The following INVS variants were observed in gnomAD, a reference collection of about 807,000 sequenced individuals.
The protein encoded by INVS is inversion of embryo turning homolog.
INVS carries 86 observed loss-of-function variants against 108.8 expected under a neutral mutation model. That is an observed-to-expected ratio of 0.79 (90% CI 0.66 to 0.95). The LOEUF is 0.95. INVS is among the 40% of genes least tolerant of loss of function. The pLI is 0.00. For synonymous variants in INVS, 455 were observed against 473.5 expected (o/e 0.96, Z 0.51); for missense variants, 1,169 against 1,297.4 (o/e 0.90, Z 1.52).
Position 100,209,908 on chromosome 9 carries a change from G to A in INVS, c.274-16154G>A, listed in dbSNP as rs116770954. The stretch of plus-strand genomic sequence containing the variant: ...TGGGCTTCAGTGTCCTGTGTCTCCA[G>A]TTCTACTCTATCCTCAGACATACTG... On this transcript the variant is annotated intron_variant, in intron 3 of 16. Coordinates refer to ENST00000262457, the MANE Select transcript of INVS (RefSeq NM_014425.5). Among the ~76,000 whole-genome samples the A allele has an allele frequency of 4.6e-3, 706 of 152,064 alleles. 7 individuals are homozygous for A. Among genetic ancestry groups the A allele is most frequent in the African/African-American group, 0.016 (668 of 41,482 alleles).
chr9:100,239,607 G>A (rs1221913750), intron 5 of INVS, among the ~76,000 whole-genome samples: 1 of 152,170 alleles, frequency 6.6e-6, no homozygotes, highest in Admixed American at 6.5e-5. Context: ...TTTAGACTTT[G>A]TACCTTTTCC....
At chr9:100,203,879 T>G (rs1830602839) in intron 3 of INVS, among the ~76,000 whole-genome samples, 1 of 152,142 alleles carries the variant, frequency 6.6e-6, no homozygotes, top group African/African-American at 2.4e-5. Flanking sequence ...TGCATGTTTC[T>G]CCTTGAAAAT....
intron 3 of INVS, among the ~76,000 whole-genome samples, chr9:100,199,589 G>T (rs1006484766): frequency 1.3e-5 from 2 of 151,974 alleles, no homozygotes; most frequent in Non-Finnish European, 2.9e-5. Context: ...TTCACTTACC[G>T]CATTGGAATA....
intron 11 of INVS, among the ~76,000 whole-genome samples, chr9:100,270,067 T>C (rs1832905300): frequency 6.6e-6 from 1 of 152,180 alleles, no homozygotes; most frequent in South Asian, 2.1e-4. Context: ...TAAAAAGTGA[T>C]AGTCATCGTT....
chr9:100,160,177 ACT>A (rs1239562327), intron 3 of INVS, among the ~76,000 whole-genome samples: 3 of 152,046 alleles, frequency 2.0e-5, no homozygotes, highest in African/African-American at 7.2e-5. Context: ...ATTCTGTTCC[ACT>A]CTCTACGCAT....
chr9:100,133,035 G>T (rs745580433), intron 3 of INVS, among the ~76,000 whole-genome samples: 7 of 152,114 alleles, frequency 4.6e-5, no homozygotes, highest in Non-Finnish European at 7.4e-5. Flanking sequence ...AACCTGGGAG[G>T]CGGAAGTTGC....
At position 100,242,597 on chromosome 9, in the gene INVS, T is replaced by C. The variant is rs1831913564; in HGVS notation, c.824T>C (p.Leu275Ser). ...LGHAQIVHLLLERNKSGTIPS... is the reference protein window; with the variant it reads ...LGHAQIVHLLSERNKSGTIPS... ...CATGCACAGATTGTCCATCTCCTTT[T>C]AGAAAGAAATAAGTCTGGAACTATC... Residue 275 changes from leucine (L) to serine (S), a missense_variant, in exon 7 of 17, where the codon TTA becomes TCA. Transcript: ENST00000262457. The C allele has an allele frequency of 6.2e-7, 1 of 1,609,490 alleles. No homozygotes were observed. The highest frequency in any genetic ancestry group is 1.1e-5 in the South Asian group (1 of 90,964).
intron 3 of INVS, among the ~76,000 whole-genome samples, chr9:100,220,347 T>C (rs1831106825): frequency 6.6e-6 from 1 of 152,076 alleles, no homozygotes; most frequent in Non-Finnish European, 1.5e-5. Flanking sequence ...TTGGTGTTAA[T>C]TACAGGAAGA....
chr9:100,267,525 C>T (rs139437762), intron 11 of INVS, among the ~76,000 whole-genome samples: 1 of 152,310 alleles, frequency 6.6e-6, no homozygotes, highest in East Asian at 1.9e-4. Context: ...TGGTTGGTTA[C>T]CATCAGTGTA....
chr9:100,266,981 A>C (rs1362519547), intron 11 of INVS, among the ~76,000 whole-genome samples: 2 of 140,580 alleles, frequency 1.4e-5, no homozygotes, highest in African/African-American at 2.6e-5. Context: ...AACTTCCCTC[A>C]TTAGAGGGAG....
chr9:100,100,558 G>A (rs965118849), intron 1 of INVS, among the ~76,000 whole-genome samples: 8 of 111,266 alleles, frequency 7.2e-5, no homozygotes, highest in Non-Finnish European at 1.2e-4. Context: ...TAAGAATTAT[G>A]AAGTAAAAAG....
At chr9:100,244,028 T>C (rs1284701789) in intron 7 of INVS, among the ~76,000 whole-genome samples, 1 of 151,936 alleles carries the variant, frequency 6.6e-6, no homozygotes, top group African/African-American at 2.4e-5. Flanking sequence ...AATAAATAAA[T>C]AAATAATACT....
chr9:100,198,589 G>A (rs984979461), intron 3 of INVS, among the ~76,000 whole-genome samples: 9 of 148,730 alleles, frequency 6.1e-5, no homozygotes, highest in Middle Eastern at 3.7e-3. Context: ...GTGAGCCACC[G>A]TCGCCTGGCA....
At chr9:100,221,158 C>T (rs1831135650) in intron 3 of INVS, among the ~76,000 whole-genome samples, 1 of 152,146 alleles carries the variant, frequency 6.6e-6, no homozygotes, top group African/African-American at 2.4e-5. Context: ...GGTCACACAA[C>T]CTTCAGAGGG....
intron 3 of INVS, among the ~76,000 whole-genome samples, chr9:100,181,588 A>G (rs186648333): frequency 6.6e-6 from 1 of 152,304 alleles, no homozygotes; most frequent in Non-Finnish European, 1.5e-5. Context: ...AAGGAGAGCT[A>G]TAAACCACTG....
chr9:100,161,204 T>C lies in INVS; in HGVS notation c.273+34655T>C, dbSNP rs145328020. ...CAGTCTGGCCAACATGGTGAAACTC[T>C]ATCTGTACCAAAAATACAAAAATTA... On this transcript the variant is annotated intron_variant, in intron 3 of 16. Transcript: ENST00000262457. Among the ~76,000 whole-genome samples the C allele has an allele frequency of 4.9e-3, 737 of 150,648 alleles. 9 individuals are homozygous for C. Among genetic ancestry groups the C allele is most frequent in the African/African-American group, 0.014 (579 of 41,028 alleles).
chr9:100,156,955 C>CACAT (rs1554718182), intron 3 of INVS, among the ~76,000 whole-genome samples: 5 of 141,368 alleles, frequency 3.5e-5, no homozygotes, highest in Admixed American at 6.8e-5. Context: ...CACACACACA[C>CACAT]ATATATATAT....
Position 100,225,230 on chromosome 9 carries a change from C to T in INVS, c.274-832C>T, listed in dbSNP as rs536983151. On this transcript the variant is annotated intron_variant, in intron 3 of 16. Coordinates refer to ENST00000262457, the MANE Select transcript of INVS (RefSeq NM_014425.5). ...CCACCACCACGCCCGGCTAATTTTTCGTAGAGATGGGGTTTCACCGTGCTG... is the reference window on the plus strand; with the variant it reads ...CCACCACCACGCCCGGCTAATTTTTTGTAGAGATGGGGTTTCACCGTGCTG... 1.1e-3 allele frequency among the ~76,000 whole-genome samples: 166 copies of T among 149,956 alleles called. 1 individual carries two copies. The highest frequency in any genetic ancestry group is 1.9e-3 in the Admixed American group (29 of 15,058).
intron 14 of INVS, among the ~76,000 whole-genome samples, chr9:100,294,550 C>T (rs905049822): frequency 6.6e-6 from 1 of 152,194 alleles, no homozygotes; most frequent in African/African-American, 2.4e-5. Flanking sequence ...TGACAGGGAG[C>T]AGTATCCCCA....
Sources: allele counts gnomAD v4.1 joint callset (sites outside exome capture counted in the v4.1 genomes callset), GRCh38; gene constraint gnomAD v4.1.1; transcripts MANE v1.5; gene names NCBI Gene and HGNC (gene_info 2026-07-23, HGNC 2026-07-21).